Variants in UBQLN1 observed in about 807,000 individuals in gnomAD.
The protein encoded by UBQLN1 is ubiquilin 1.
Under a neutral mutation model 65.4 loss-of-function variants are expected in UBQLN1, and 13 were observed. That is an observed-to-expected ratio of 0.20 (90% CI 0.13 to 0.32). The LOEUF is 0.32. Ranked by LOEUF, UBQLN1 falls within the 10% of genes least tolerant of loss-of-function variation. The pLI is 1.00. For missense variants in UBQLN1, 561 were observed against 724.0 expected, an observed-to-expected ratio of 0.77 and a Z score of 2.58; for synonymous variants, 267 against 247.8, an observed-to-expected ratio of 1.08 and a Z score of -0.73.
intron 4 of UBQLN1, 113 bp from the exon 5 acceptor site, chr9:83,678,712 T>C (rs866001135): frequency 4.5e-5 from 54 of 1,194,490 alleles, no homozygotes; most frequent in Non-Finnish European, 5.8e-5. Flanking sequence ...GCCACTGTTT[T>C]GTTTTGTTTT....
intron 1 of UBQLN1, among the ~76,000 whole-genome samples, chr9:83,702,615 A>G (rs1832330368): frequency 6.6e-6 from 1 of 152,232 alleles, no homozygotes; most frequent in Non-Finnish European, 1.5e-5. Context: ...ATACTATTTC[A>G]ATACATAATA....
chr9:83,679,063 G>A (rs1158691497), intron 4 of UBQLN1, among the ~76,000 whole-genome samples: 1 of 152,150 alleles, frequency 6.6e-6, no homozygotes, highest in East Asian at 1.9e-4. Context: ...CTATGCCCCA[G>A]CAGACCACAA....
At chr9:83,699,571 T>C (rs575636854) in intron 1 of UBQLN1, among the ~76,000 whole-genome samples, 57 of 152,298 alleles carry the variant, frequency 3.7e-4, no homozygotes, top group African/African-American at 1.1e-3. Flanking sequence ...CACTGAGCCA[T>C]GGTGCTCAAG....
chr9:83,707,785 G>A lies in UBQLN1; in HGVS notation c.-106C>T. The A allele has an allele frequency of 1.4e-6, 2 of 1,407,774 alleles. No individual in the cohort carries two copies. Among genetic ancestry groups the A allele is most frequent in the Non-Finnish European group, 1.8e-6 (2 of 1,082,026 alleles). 87.2% of individuals were successfully genotyped at this position (1,407,774 alleles called of 1,614,324 possible). A position where few individuals can be genotyped will look rare whatever the true frequency, so the allele number is the denominator to read the frequency against. On this transcript the variant is annotated 5_prime_UTR_variant, in exon 1 of 11. Coordinates refer to ENST00000376395, the MANE Select transcript of UBQLN1 (RefSeq NM_013438.5). Reference sequence around the variant, plus strand: ...CCGGCAGGCCTGGACAGCGAAGAATGCAGAGCACGCCGCCTCAGTAGCAAC... The same window carrying A: ...CCGGCAGGCCTGGACAGCGAAGAATACAGAGCACGCCGCCTCAGTAGCAAC...
chr9:83,675,961 G>T (rs977783923), intron 6 of UBQLN1, among the ~76,000 whole-genome samples: 1 of 151,966 alleles, frequency 6.6e-6, no homozygotes, highest in African/African-American at 2.4e-5. Flanking sequence ...AAAAATTTGT[G>T]GGAATTTGTT....
At chr9:83,705,266 G>GTTT (rs1832381872) in intron 1 of UBQLN1, among the ~76,000 whole-genome samples, 1 of 37,186 alleles carries the variant, frequency 2.7e-5, no homozygotes, top group Non-Finnish European at 5.7e-5. Flanking sequence ...TTGAAACGGA[G>GTTT]TTTCACTCTT....
Position 83,668,143 on chromosome 9 carries a change from T to G in UBQLN1, c.1248+1042A>C. The G allele has an allele frequency of 5.1e-6, 5 of 985,434 alleles. No homozygotes were observed. In the African/African-American group the frequency reaches 7.0e-5, roughly 14 times the overall value. 61.0% of individuals were successfully genotyped at this position (985,434 alleles called of 1,614,324 possible). On this transcript the variant is annotated intron_variant, in intron 7 of 10. Transcript: ENST00000376395. ...ATGCATAAATCAATCTTCCATAAAA[T>G]GTACCTCCAATATACAGAATCACAG...
chr9:83,699,797 A>G (rs1487269387), intron 1 of UBQLN1, among the ~76,000 whole-genome samples: 8 of 152,272 alleles, frequency 5.3e-5, no homozygotes, highest in Non-Finnish European at 2.9e-5. Context: ...TCTACCAGCC[A>G]CATGGTCTAT....
chr9:83,677,331 G>C (rs144084317), intron 6 of UBQLN1, among the ~76,000 whole-genome samples: 167 of 152,336 alleles, frequency 1.1e-3, no homozygotes, highest in African/African-American at 3.7e-3. Flanking sequence ...GGGAGGCCAA[G>C]GCAGGCGGAT....
chr9:83,668,740 C>T (rs922677862), intron 7 of UBQLN1: 5 of 630,174 alleles, frequency 7.9e-6, no homozygotes, highest in South Asian at 7.2e-5. Context: ...GACAAATTCC[C>T]GTCTTTAATA....
intron 4 of UBQLN1, 84 bp from the exon 5 acceptor site, chr9:83,678,683 T>C: frequency 7.2e-7 from 1 of 1,381,656 alleles, no homozygotes; most frequent in Admixed American, 2.2e-5. Flanking sequence ...TAACTGCCAT[T>C]AAACAAAGTT....
intron 1 of UBQLN1, among the ~76,000 whole-genome samples, chr9:83,701,105 T>C (rs1302399031): frequency 6.6e-6 from 1 of 152,210 alleles, no homozygotes; most frequent in Non-Finnish European, 1.5e-5. Context: ...GACACCATTT[T>C]ACAACTTCAG....
chr9:83,680,181 T>C lies in UBQLN1; in HGVS notation c.449-144A>G, dbSNP rs567883649. 6.6e-6 allele frequency: 6 copies of C among 902,606 alleles called. No homozygotes were observed. In the South Asian group the frequency reaches 1.5e-4, roughly 22 times the overall value. The allele number at this position is 902,606 out of a possible 1,614,324, so 55.9% of individuals were successfully genotyped here. On this transcript the variant is annotated intron_variant, in intron 3 of 10. Coordinates refer to ENST00000376395, the MANE Select transcript of UBQLN1 (RefSeq NM_013438.5). Reference sequence around the variant, plus strand: ...CATTTAAAAACAAATCGAATACCTATTACTAATATTTAATTCCTATCATTG... The same window carrying C: ...CATTTAAAAACAAATCGAATACCTACTACTAATATTTAATTCCTATCATTG...
intron 7 of UBQLN1, 47 bp downstream of exon 7, chr9:83,669,138 T>C (rs376978764): frequency 2.6e-5 from 41 of 1,572,582 alleles, no homozygotes; most frequent in Non-Finnish European, 3.4e-5. Context: ...GATTAGGTTA[T>C]TTTAATTCAC....
At chr9:83,681,614 AC>A (rs1831941627) in intron 3 of UBQLN1, among the ~76,000 whole-genome samples, 1 of 152,242 alleles carries the variant, frequency 6.6e-6, no homozygotes, top group East Asian at 1.9e-4. Context: ...AACACCATAT[AC>A]AAAAAGCACA....
chr9:83,678,651 T>C, intron 4 of UBQLN1, 52 bp from the exon 5 acceptor site: 2 of 1,529,880 alleles, frequency 1.3e-6, no homozygotes, highest in Non-Finnish European at 1.8e-6. Context: ...GAAATACACA[T>C]GAATTACATT....
rs1165658042 is a variant in UBQLN1, at chr9:83,677,859, C to T, written c.973G>A (p.Ala325Thr). Reference sequence around the variant, plus strand: ...GATGAACTCTGGGAAGTCTGTGGAGCCCATGGATTGGGTAGTGGATCTCTA... The same window carrying T: ...GATGAACTCTGGGAAGTCTGTGGAGTCCATGGATTGGGTAGTGGATCTCTA... ...ENRDPLPNPW[A>T]PQTSQSSSAS... Residue 325 changes from alanine (A) to threonine (T), a missense_variant, in exon 6 of 11, where the codon GCT becomes ACT. Physicochemically the swap from Ala to Thr is moderately conservative, Grantham distance 58 (BLOSUM62 0). Coordinates refer to ENST00000376395, the MANE Select transcript of UBQLN1 (RefSeq NM_013438.5). 7 of 1,614,084 alleles carry T rather than the reference C, an allele frequency of 4.3e-6. No individual in the cohort carries two copies. Among genetic ancestry groups the T allele is most frequent in the Middle Eastern group, 3.3e-4 (2 of 6,062 alleles).
chr9:83,678,849 C>T (rs1052659685), intron 4 of UBQLN1, among the ~76,000 whole-genome samples: 2 of 152,140 alleles, frequency 1.3e-5, no homozygotes, highest in Admixed American at 1.3e-4. Flanking sequence ...TCCCGAGTAG[C>T]TGGGACTACA....
chr9:83,675,468 CAAA>C (rs56889142), intron 6 of UBQLN1, among the ~76,000 whole-genome samples: 1 of 140,800 alleles, frequency 7.1e-6, no homozygotes. Flanking sequence ...CCTATGCCGT[CAAA>C]AAAAAAAAAA....
Sources: allele counts gnomAD v4.1 joint callset (sites outside exome capture counted in the v4.1 genomes callset), GRCh38; gene constraint gnomAD v4.1.1; transcripts MANE v1.5; gene names NCBI Gene and HGNC (gene_info 2026-07-23, HGNC 2026-07-21).